The following FNIP1 variants were observed in gnomAD, a reference collection of about 807,000 sequenced individuals.
The protein encoded by FNIP1 is folliculin-interacting protein 1.
Under a neutral mutation model 124.5 loss-of-function variants are expected in FNIP1, and 40 were observed. That is an observed-to-expected ratio of 0.32 (90% CI 0.25 to 0.42). The LOEUF is 0.42. FNIP1 is among the 10% of genes least tolerant of loss of function. FNIP1 has a pLI of 1.00. For missense variants in FNIP1, 1,176 were observed against 1,403.7 expected (o/e 0.84, Z 2.59); for synonymous variants, 472 against 470.6 (o/e 1.00, Z -0.04).
intron 11 of FNIP1, among the ~76,000 whole-genome samples, chr5:131,695,322 T>C (rs1422016299): frequency 6.6e-6 from 1 of 152,204 alleles, no homozygotes; most frequent in Admixed American, 6.5e-5. Context: ...TAAAGCTATA[T>C]ACAGCTATTT....
intron 9 of FNIP1, among the ~76,000 whole-genome samples, chr5:131,704,921 GA>G (rs974223338): frequency 2.0e-5 from 3 of 148,900 alleles, no homozygotes; most frequent in African/African-American, 2.5e-5. Context: ...GTCAACAAAG[GA>G]AAAAAAAATA....
At chr5:131,739,627 C>G (rs1770440663) in intron 2 of FNIP1, among the ~76,000 whole-genome samples, 1 of 152,006 alleles carries the variant, frequency 6.6e-6, no homozygotes, top group African/African-American at 2.4e-5. Flanking sequence ...CCCTGGCTAA[C>G]ACAGTGAAAC....
intron 15 of FNIP1, among the ~76,000 whole-genome samples, chr5:131,654,580 A>G (rs1158888570): frequency 6.6e-6 from 1 of 152,204 alleles, no homozygotes; most frequent in East Asian, 1.9e-4. Context: ...AAATAAATAC[A>G]TCTAGCTTTA....
At chr5:131,655,743 C>G (rs1371215275) in intron 15 of FNIP1, among the ~76,000 whole-genome samples, 1 of 108,048 alleles carries the variant, frequency 9.3e-6, no homozygotes, top group Non-Finnish European at 2.0e-5. Context: ...CTCGTCTCTA[C>G]TAAAAATACA....
intron 11 of FNIP1, among the ~76,000 whole-genome samples, chr5:131,691,416 TAATCTTAGGAAACTAGACAA>T (rs1410862543): frequency 6.6e-6 from 1 of 152,200 alleles, no homozygotes; most frequent in Non-Finnish European, 1.5e-5. Context: ...ATCTAAGCTT[TAATCTTAGGAAACTAGACAA>T]ACAGCAACAT....
At chr5:131,769,621 A>C (rs1461291321) in intron 1 of FNIP1, among the ~76,000 whole-genome samples, 1 of 152,236 alleles carries the variant, frequency 6.6e-6, no homozygotes, top group Non-Finnish European at 1.5e-5. Flanking sequence ...AAGGCTCTCC[A>C]TGCTGCAATG....
In FNIP1 at chr5:131,709,048, T is replaced by A. The variant is rs141467013; in HGVS notation, c.778+153A>T. 5.3e-3 allele frequency among the ~76,000 whole-genome samples: 801 copies of A among 152,282 alleles called. 12 individuals are homozygous for A. The highest frequency in any genetic ancestry group is 0.019 in the African/African-American group (780 of 41,562). On this transcript the variant is annotated intron_variant, in intron 8 of 17. Transcript: ENST00000510461. ...CACTTAAAAGTAAACATGAAAAATA[T>A]TAAATTTATAAGACTTTGCTCTGGT...
chr5:131,774,710 T>C lies in FNIP1; in HGVS notation c.92+22120A>G, dbSNP rs192099389. Reference sequence around the variant, plus strand: ...AAGAATAAACACACAACTAAAATTATCCACTAGTATGATTTTTAAATACTT... The same window carrying C: ...AAGAATAAACACACAACTAAAATTACCCACTAGTATGATTTTTAAATACTT... On this transcript the variant is annotated intron_variant, in intron 1 of 17. Coordinates refer to ENST00000510461, the MANE Select transcript of FNIP1 (RefSeq NM_133372.3). Among the ~76,000 whole-genome samples, 8 of 152,316 alleles carry C rather than the reference T, an allele frequency of 5.3e-5. No individual in the cohort carries two copies. The East Asian group carries it at 1.5e-3, about 29-fold the overall frequency.
intron 9 of FNIP1, among the ~76,000 whole-genome samples, chr5:131,705,933 T>C (rs1194388887): frequency 1.3e-5 from 2 of 152,220 alleles, no homozygotes; most frequent in South Asian, 4.1e-4. Context: ...AATGAATTTC[T>C]GACACATGCT....
At position 131,792,608 on chromosome 5, in the gene FNIP1, G is replaced by A. The variant is rs185615912; in HGVS notation, c.92+4222C>T. Reference sequence around the variant, plus strand: ...AAATGTTCATATATTTGGGATACAGGATGAGCATCTCTAGTCCAAAATTTT... The same window carrying A: ...AAATGTTCATATATTTGGGATACAGAATGAGCATCTCTAGTCCAAAATTTT... On this transcript the variant is annotated intron_variant, in intron 1 of 17. Coordinates refer to ENST00000510461, the MANE Select transcript of FNIP1 (RefSeq NM_133372.3). Among the ~76,000 whole-genome samples the A allele has an allele frequency of 1.1e-4, 16 of 152,326 alleles. No homozygotes were observed. In the East Asian group the frequency reaches 1.2e-3, roughly 11 times the overall value.
rs1240216363 is a variant in FNIP1 at position 131,672,047 on chromosome 5, T to C, written c.2397A>G (p.Gln799=). The change falls in exon 14 of 18, where the codon CAA becomes CAG. Residue 799 remains glutamine (Q), a synonymous_variant. Transcript: ENST00000510461. ...GAIDQHQETK[Q]TTKDQSGESD... ...ACTCTCCAGATTGGTCCTTGGTTGT[T>C]TGTTTAGTTTCTTGATGCTGATCAA... 1.1e-5 allele frequency: 17 copies of C among 1,614,064 alleles called. No individual in the cohort carries two copies. The highest frequency in any genetic ancestry group is 1.3e-5 in the African/African-American group (1 of 74,932).
chr5:131,782,331 T>C (rs893543130), intron 1 of FNIP1, among the ~76,000 whole-genome samples: 7 of 152,070 alleles, frequency 4.6e-5, no homozygotes, highest in African/African-American at 1.7e-4. Flanking sequence ...GGGGGATCTC[T>C]TGAGCCCAGG....
intron 11 of FNIP1, among the ~76,000 whole-genome samples, chr5:131,684,886 G>A (rs1287608204): frequency 1.3e-5 from 2 of 152,096 alleles, no homozygotes; most frequent in African/African-American, 4.8e-5. Context: ...CAAGTTCAAG[G>A]GCAAAGATTC....
chr5:131,718,517 C>G (rs1769547102), intron 5 of FNIP1, among the ~76,000 whole-genome samples: 1 of 152,228 alleles, frequency 6.6e-6, no homozygotes, highest in South Asian at 2.1e-4. Flanking sequence ...GCCTTTGTTT[C>G]AGCTTCACTA....
rs756406723 is a variant in FNIP1 at position 131,670,476 on chromosome 5, G to T, written c.3095C>A (p.Ser1032Tyr). ...AAGGTCACTCACCTGCACAGCATGA[G>T]ATAAATCTGACATCAGACACTGACG... is the stretch of plus-strand genomic sequence containing the variant. The part of the protein sequence containing the change: ...RFRQCLMSDL[S>Y]HAVQHPVLDE... The change falls in exon 15 of 18, where the codon TCT (serine) becomes TAT (tyrosine). Residue 1032 changes from serine to tyrosine, a missense_variant. Physicochemically the swap from Ser to Tyr is moderately radical, Grantham distance 144 (BLOSUM62 -2). Around this residue, in one of 2 missense-constraint regions of FNIP1, gnomAD observed 1,109 missense variants for 1,288.5 expected, o/e 0.86. Coordinates refer to ENST00000510461, the MANE Select transcript of FNIP1 (RefSeq NM_133372.3). The T allele has an allele frequency of 6.2e-7, 1 of 1,610,048 alleles. No individual in the cohort carries two copies. Among genetic ancestry groups the T allele is most frequent in the South Asian group, 1.1e-5 (1 of 90,310 alleles).
chr5:131,733,318 A>G (rs551387661), intron 2 of FNIP1, among the ~76,000 whole-genome samples: 1 of 152,202 alleles, frequency 6.6e-6, no homozygotes, highest in South Asian at 2.1e-4. Flanking sequence ...AATACCCTTT[A>G]TTTCTTTCTC....
At chr5:131,675,092 G>T (rs1767873602) in intron 13 of FNIP1, among the ~76,000 whole-genome samples, 1 of 152,134 alleles carries the variant, frequency 6.6e-6, no homozygotes, top group Non-Finnish European at 1.5e-5. Flanking sequence ...GTCAGAAGAA[G>T]AAATCATCCT....
rs190845991 is a variant in FNIP1 at position 131,718,048 on chromosome 5, C to T, written c.530+938G>A. 3.0e-3 allele frequency among the ~76,000 whole-genome samples: 450 copies of T among 151,142 alleles called. 7 individuals carry two copies. Among genetic ancestry groups the T allele is most frequent in the Non-Finnish European group, 3.4e-3 (229 of 67,780 alleles). On this transcript the variant is annotated intron_variant, in intron 5 of 17. Coordinates refer to ENST00000510461, the MANE Select transcript of FNIP1 (RefSeq NM_133372.3). ...AATACAAAAAAAAAAAAAAGTCAGCCGGGCGTGGTGGCCTGCGCCTGTAGT... is the reference window on the plus strand; with the variant it reads ...AATACAAAAAAAAAAAAAAGTCAGCTGGGCGTGGTGGCCTGCGCCTGTAGT...
intron 15 of FNIP1, among the ~76,000 whole-genome samples, chr5:131,669,001 C>T (rs1306728927): frequency 6.6e-6 from 1 of 152,096 alleles, no homozygotes; most frequent in Non-Finnish European, 1.5e-5. Context: ...ACACACATTA[C>T]AAAATTCAGG....
Sources: gnomAD v4.1 joint callset for allele counts (sites outside exome capture counted in the v4.1 genomes callset) on GRCh38, gnomAD v4.1.1 for gene constraint, gnomAD v4.1.1 regional missense constraint, MANE v1.5 for transcripts, NCBI Gene and HGNC (gene_info 2026-07-23, HGNC 2026-07-21) for gene names.